Variants in SLC35F4 observed in about 807,000 individuals in gnomAD.
SLC35F4 encodes the protein solute carrier family 35 member F4.
Under a neutral mutation model 44.2 loss-of-function variants are expected in SLC35F4, and 24 were observed. That is an observed-to-expected ratio of 0.54 (90% confidence interval 0.39 to 0.76). The LOEUF (loss-of-function observed/expected upper bound fraction) is 0.76, where lower values mean the gene tolerates loss of function less well. SLC35F4 is among the 30% of genes least tolerant of loss of function. The pLI is 0.00. For synonymous variants in SLC35F4, 238 were observed against 223.6 expected, an observed-to-expected ratio of 1.06 and a Z score of -0.57; for missense variants, 562 against 586.1, an observed-to-expected ratio of 0.96 and a Z score of 0.42.
intron 1 of SLC35F4, among the ~76,000 whole-genome samples, chr14:57,603,708 A>T (rs1465157938): frequency 6.6e-6 from 1 of 152,182 alleles, no homozygotes; most frequent in Non-Finnish European, 1.5e-5. Flanking sequence ...TGATTCCTGC[A>T]CATTTTTCAA....
At chr14:57,678,310 C>G (rs560291913) in intron 1 of SLC35F4, among the ~76,000 whole-genome samples, 1 of 152,136 alleles carries the variant, frequency 6.6e-6, no homozygotes, top group South Asian at 2.1e-4. Context: ...CCTTTACAGA[C>G]AAGGAAATGC....
chr14:57,658,898 G>C (rs1594731256), intron 1 of SLC35F4, among the ~76,000 whole-genome samples: 1 of 152,214 alleles, frequency 6.6e-6, no homozygotes, highest in South Asian at 2.1e-4. Context: ...AACAATTTAG[G>C]ATTATAGATT....
At chr14:57,613,795 T>C (rs1444027420) in intron 1 of SLC35F4, among the ~76,000 whole-genome samples, 2 of 152,230 alleles carry the variant, frequency 1.3e-5, no homozygotes, top group Admixed American at 6.5e-5. Context: ...CCCACTAGGA[T>C]TGTGCTCTTG....
At chr14:57,707,244 A>G (rs1029533563) in intron 1 of SLC35F4, among the ~76,000 whole-genome samples, 3 of 152,188 alleles carry the variant, frequency 2.0e-5, no homozygotes, top group Admixed American at 2.0e-4. Context: ...TGCAAGCATG[A>G]TAATGTGGTC....
intron 1 of SLC35F4, among the ~76,000 whole-genome samples, chr14:57,780,336 T>C (rs1185421852): frequency 6.6e-6 from 1 of 151,886 alleles, no homozygotes; most frequent in Non-Finnish European, 1.5e-5. Flanking sequence ...CATTCACAAT[T>C]GCCACAAAAA....
chr14:57,860,461 G>A (rs1424189098), intron 1 of SLC35F4, among the ~76,000 whole-genome samples: 5 of 152,116 alleles, frequency 3.3e-5, no homozygotes, highest in African/African-American at 1.2e-4. Context: ...CTACTGCATG[G>A]CTGTTCTAAA....
chr14:57,876,090 C>T (rs1363327581), intron 1 of SLC35F4, among the ~76,000 whole-genome samples: 1 of 152,168 alleles, frequency 6.6e-6, no homozygotes, highest in Non-Finnish European at 1.5e-5. Context: ...TTTTGCATGA[C>T]ATGTAATTCC....
chr14:57,919,047 T>G (rs1342318209), intron 1 of SLC35F4, among the ~76,000 whole-genome samples: 4 of 152,220 alleles, frequency 2.6e-5, no homozygotes, highest in African/African-American at 9.7e-5. Context: ...AACTGGCTCT[T>G]ACCAATGGAA....
chr14:57,587,233 C>A (rs2069817019), intron 3 of SLC35F4, among the ~76,000 whole-genome samples: 1 of 152,194 alleles, frequency 6.6e-6, no homozygotes, highest in East Asian at 1.9e-4. Context: ...CCTCAAGGAT[C>A]TAGAACTAGA....
intron 1 of SLC35F4, among the ~76,000 whole-genome samples, chr14:57,732,769 A>G (rs1474368253): frequency 6.6e-6 from 1 of 152,174 alleles, no homozygotes; most frequent in African/African-American, 2.4e-5. Context: ...CTATCCACAA[A>G]AAGAGTCATC....
chr14:57,809,971 T>G (rs2140882194), intron 1 of SLC35F4, among the ~76,000 whole-genome samples: 1 of 152,328 alleles, frequency 6.6e-6, no homozygotes, highest in Middle Eastern at 3.4e-3. Flanking sequence ...TTAAACCTGG[T>G]CAGGTCCTTC....
intron 1 of SLC35F4, among the ~76,000 whole-genome samples, chr14:57,875,494 G>C (rs138249517): frequency 6.6e-6 from 1 of 152,314 alleles, no homozygotes; most frequent in Admixed American, 6.5e-5. Context: ...GGCCAGGCTT[G>C]GTTGATCCTG....
chr14:57,699,355 T>A (rs2075472308), intron 1 of SLC35F4, among the ~76,000 whole-genome samples: 1 of 152,118 alleles, frequency 6.6e-6, no homozygotes, highest in Non-Finnish European at 1.5e-5. Context: ...GCCCCCAAGC[T>A]TTTATTTTAA....
chr14:57,668,824 A>G (rs556693310), intron 1 of SLC35F4, among the ~76,000 whole-genome samples: 7 of 151,848 alleles, frequency 4.6e-5, no homozygotes, highest in South Asian at 2.1e-4. Context: ...CTCTTTTTTG[A>G]TTCCATATGA....
intron 1 of SLC35F4, among the ~76,000 whole-genome samples, chr14:57,684,222 C>T (rs1008184206): frequency 1.2e-4 from 18 of 152,232 alleles, no homozygotes; most frequent in East Asian, 7.7e-4. Context: ...CAACATCCCA[C>T]GCCGCTGCTG....
chr14:57,841,893 T>C (rs1030833065), intron 1 of SLC35F4, among the ~76,000 whole-genome samples: 1 of 152,216 alleles, frequency 6.6e-6, no homozygotes, highest in African/African-American at 2.4e-5. Flanking sequence ...GTGCTGAATG[T>C]CAGATATTGT....
chr14:57,865,991 C>CGGCGGT lies in SLC35F4; in HGVS notation c.-167_-166insACCGCC. On this transcript the variant is annotated 5_prime_UTR_variant, in exon 1 of 8. Coordinates refer to ENST00000556826, the MANE Select transcript of SLC35F4 (RefSeq NM_001306087.2). ...GCGCAGCACCGGCTCCGCATCACAG[C>CGGCGGT]GGCGGCGGCGGCGGCGGCGGCGGAG... 1 of 268,086 alleles carries CGGCGGT rather than the reference C, an allele frequency of 3.7e-6. No individual in the cohort carries two copies. The highest frequency in any genetic ancestry group is 6.9e-6 in the Non-Finnish European group (1 of 144,398). The allele number at this position is 268,086 out of a possible 1,614,324, so 16.6% of individuals were successfully genotyped here.
intron 1 of SLC35F4, among the ~76,000 whole-genome samples, chr14:57,645,231 T>C (rs1440577593): frequency 6.6e-6 from 1 of 152,216 alleles, no homozygotes; most frequent in East Asian, 1.9e-4. Context: ...ATTTTCACAA[T>C]ATTGATTCTT....
At chr14:57,730,943 G>A (rs915382004) in intron 1 of SLC35F4, among the ~76,000 whole-genome samples, 10 of 152,162 alleles carry the variant, frequency 6.6e-5, no homozygotes, top group Admixed American at 1.3e-4. Flanking sequence ...CTCAGAATGC[G>A]CCCTGTGTTA....
Sources: allele counts gnomAD v4.1 joint callset (sites outside exome capture counted in the v4.1 genomes callset), GRCh38; gene constraint gnomAD v4.1.1; transcripts MANE v1.5; gene names NCBI Gene and HGNC (gene_info 2026-07-23, HGNC 2026-07-21).